The following HDAC6 variants were observed in gnomAD, a reference collection of about 807,000 sequenced individuals.
The protein encoded by HDAC6 is histone deacetylase 6, also known as protein deacetylase HDAC6.
HDAC6 carries 5 observed loss-of-function variants against 88.9 expected under a neutral mutation model. That is an observed-to-expected ratio of 0.06 (90% CI 0.03 to 0.12). The LOEUF (loss-of-function observed/expected upper bound fraction) is 0.12. Among genes scored for constraint, HDAC6 ranks in the 10% least tolerant of loss-of-function variants. HDAC6 has a pLI of 1.00. For missense variants in HDAC6, 706 were observed against 1,014.4 expected (o/e 0.70, Z 4.13); for synonymous variants, 378 against 398.0 (o/e 0.95, Z 0.60).
In HDAC6 at chrX:48,814,953, T is replaced by TC; in HGVS notation, c.1060-3dup. 1 of 1,207,651 alleles carries TC rather than the reference T, an allele frequency of 8.3e-7. No individual in the cohort carries two copies. Among genetic ancestry groups the TC allele is most frequent in the Non-Finnish European group, 1.1e-6 (1 of 893,373 alleles). Reference sequence around the variant, plus strand: ...CATGGAGCCAGGCTGACCCTCCATGTCCCCCCAGGGTGAGATGGCCGCCAC... The same window carrying TC: ...CATGGAGCCAGGCTGACCCTCCATGTCCCCCCCAGGGTGAGATGGCCGCCAC... On this transcript the variant is annotated splice_polypyrimidine_tract_variant and intron_variant, in intron 13 of 28. Coordinates refer to ENST00000334136, the MANE Select transcript of HDAC6 (RefSeq NM_006044.4).
At chrX:48,820,574 A>G (rs1557029395) in intron 23 of HDAC6, among the ~76,000 whole-genome samples, 1 of 111,776 alleles carries the variant, frequency 8.9e-6, no homozygotes, top group Non-Finnish European at 1.9e-5. Context: ...TGTGATGACT[A>G]GCCTGAGATG....
intron 4 of HDAC6, among the ~76,000 whole-genome samples, chrX:48,803,601 A>G (rs1200996400): frequency 2.7e-5 from 3 of 112,155 alleles, no homozygotes; most frequent in African/African-American, 9.7e-5. Context: ...AGAAGCCTTT[A>G]TAGAGGAAGA....
At chrX:48,816,965 AAG>A in intron 19 of HDAC6, 1 of 264,641 alleles carries the variant, frequency 3.8e-6, no homozygotes, top group Non-Finnish European at 6.6e-6. Context: ...AAAAAAAAAA[AAG>A]GTCCGGGCGT....
intron 19 of HDAC6, chrX:48,816,929 G>A (rs1018821212): frequency 1.9e-5 from 6 of 314,717 alleles, no homozygotes; most frequent in African/African-American, 1.7e-4. Context: ...ACTCTAGCCT[G>A]GGCAACAGAG....
rs782196055 is a variant in HDAC6 at position 48,824,154 on chromosome X, C to A, written c.3451-12C>A. The A allele has an allele frequency of 2.5e-6, 3 of 1,206,044 alleles. No individual in the cohort carries two copies. The African/African-American group carries it at 5.3e-5, about 21-fold the overall frequency. On this transcript the variant is annotated splice_polypyrimidine_tract_variant and intron_variant, in intron 27 of 28. Coordinates refer to ENST00000334136, the MANE Select transcript of HDAC6 (RefSeq NM_006044.4). The stretch of plus-strand genomic sequence containing the variant: ...GCTGACCCCCACCTGACACTCACAC[C>A]CCCAACCTCAGGTCTACTGTGGTCG...
Position 48,823,182 on chromosome X carries a change from C to T in HDAC6, c.2783C>T (p.Ala928Val), listed in dbSNP as rs782623802. Residue 928 changes from alanine to valine, a missense_variant, in exon 25 of 29, where the codon GCC (alanine) becomes GTC (valine). Physicochemically the swap from Ala to Val is moderately conservative, Grantham distance 64 (BLOSUM62 0). Around this residue, in one of 9 missense-constraint regions of HDAC6, gnomAD observed 89 missense variants for 90.9 expected, o/e 0.98. Coordinates refer to ENST00000334136, the MANE Select transcript of HDAC6 (RefSeq NM_006044.4). ...CTGGCCCAGACCATTTCTGAGGCAG[C>T]CATTGGGGGAGCCATGCTGGGCCAG... ...ATLAQTISEA[A>V]IGGAMLGQTT... 1 of 1,207,083 alleles carries T rather than the reference C, an allele frequency of 8.3e-7. No individual in the cohort carries two copies. The highest frequency in any genetic ancestry group is 1.1e-6 in the Non-Finnish European group (1 of 893,257).
In HDAC6 at chrX:48,817,349, G is replaced by A; in HGVS notation, c.1815G>A (p.Val605=). The part of the protein sequence containing the change: ...SGEVLNGAAV[V]RPPGHHAEQD... ...AGGTTCTGAATGGTGCTGCTGTGGT[G>A]CGTCCCCCAGGACACCACGCAGAGC... The change falls in exon 20 of 29, where the codon GTG becomes GTA. Residue 605 remains valine (V), a synonymous_variant. Transcript: ENST00000334136. 2 of 1,209,845 alleles carry A rather than the reference G, an allele frequency of 1.7e-6. No individual in the cohort carries two copies. The highest frequency in any genetic ancestry group is 2.2e-6 in the Non-Finnish European group (2 of 894,662).
Position 48,815,869 on chromosome X carries a change from G to A in HDAC6, c.1325-15G>A. 8.3e-7 allele frequency: 1 copy of A among 1,206,193 alleles called. No homozygotes were observed. The highest frequency in any genetic ancestry group is 1.1e-6 in the Non-Finnish European group (1 of 891,744). The stretch of plus-strand genomic sequence containing the variant: ...AGATTGAGAGGGTAGGACAAACGTG[G>A]CCTCCCCCTTTTAGCTGAGACCGTG... On this transcript the variant is annotated splice_polypyrimidine_tract_variant and intron_variant, in intron 16 of 28. Transcript: ENST00000334136.
chrX:48,819,840 C>T, intron 22 of HDAC6: 2 of 450,327 alleles, frequency 4.4e-6, no homozygotes, highest in Non-Finnish European at 8.1e-6. Flanking sequence ...ATGCCCGGCC[C>T]CCATCTGTCC....
At chrX:48,804,396 T>A (rs983240912) in intron 4 of HDAC6, among the ~76,000 whole-genome samples, 3 of 111,605 alleles carry the variant, frequency 2.7e-5, no homozygotes, top group Admixed American at 9.5e-5. Context: ...CAGAGATTCT[T>A]TTCGGTCTTC....
At position 48,802,115 on chromosome X, in the gene HDAC6, C is replaced by G. The variant is rs1257997240; in HGVS notation, c.-58C>G. 7 of 886,339 alleles carry G rather than the reference C, an allele frequency of 7.9e-6. No individual in the cohort carries two copies. In the African/African-American group the frequency reaches 1.5e-4, roughly 19 times the overall value. The allele number at this position is 886,339 out of a possible 1,213,427, so 73.0% of individuals were successfully genotyped here. ...CTGAGGAGCGGGGCTGGTTGAAACG[C>G]TAGGGGCGGGATCTGGCGGAGTGGA... On this transcript the variant is annotated 5_prime_UTR_variant, in exon 1 of 29. Coordinates refer to ENST00000334136, the MANE Select transcript of HDAC6 (RefSeq NM_006044.4).
intron 8 of HDAC6, among the ~76,000 whole-genome samples, chrX:48,807,317 C>G (rs1557024702): frequency 8.9e-6 from 1 of 112,111 alleles, no homozygotes; most frequent in Non-Finnish European, 1.9e-5. Flanking sequence ...CATTTTGGTT[C>G]TCCCCAGTCA....
Position 48,805,631 on chromosome X carries a change from G to A in HDAC6, c.397G>A (p.Ala133Thr). The change falls in exon 6 of 29, where the codon GCC (alanine) becomes ACC (threonine). Residue 133 changes from alanine to threonine, a missense_variant and splice_region_variant. This residue lies in a region of HDAC6 where 193 missense variants were observed against 258.2 expected (regional missense o/e 0.75). Transcript: ENST00000334136. The part of the protein sequence containing the change: ...GLLDRCVSFQ[A>T]RFAEKEELML... ...CACTTTATTCCTCATCTCTCCCCAG[G>A]CCCGGTTTGCTGAAAAGGAAGAGCT... 1 of 1,181,882 alleles carries A rather than the reference G, an allele frequency of 8.5e-7. No individual in the cohort carries two copies. The highest frequency in any genetic ancestry group is 1.1e-6 in the Non-Finnish European group (1 of 879,350).
At chrX:48,806,100 G>A in intron 6 of HDAC6, 1 of 366,584 alleles carries the variant, frequency 2.7e-6, no homozygotes, top group South Asian at 4.4e-5. Context: ...GATGAAGAGG[G>A]TGACTGAGGG....
At chrX:48,817,612 C>T (rs781894555) in intron 20 of HDAC6, 153 bp downstream of exon 20, 7 of 494,155 alleles carry the variant, frequency 1.4e-5, no homozygotes, top group South Asian at 1.1e-4. Context: ...AGAGAAGGAC[C>T]GAGGATGGAG....
chrX:48,820,986 C>T (rs1049955947), intron 23 of HDAC6, among the ~76,000 whole-genome samples: 8 of 109,708 alleles, frequency 7.3e-5, no homozygotes, highest in South Asian at 7.8e-4. Context: ...TACAGGCACC[C>T]GCCACCACGC....
chrX:48,811,283 G>A (rs1189544672), intron 10 of HDAC6, among the ~76,000 whole-genome samples: 2 of 112,286 alleles, frequency 1.8e-5, no homozygotes, highest in Non-Finnish European at 3.8e-5. Flanking sequence ...CAGCCTGGGC[G>A]ATAGAGGGAG....
chrX:48,815,160 C>T, intron 14 of HDAC6, 109 bp downstream of exon 14: 1 of 687,370 alleles, frequency 1.5e-6, no homozygotes, highest in African/African-American at 2.1e-5. Flanking sequence ...ACTAGCTGGA[C>T]AACCTTGCAT....
At position 48,808,253 on chromosome X, in the gene HDAC6, C is replaced by T; in HGVS notation, c.738-5C>T. ...CACAGAGTCCCCTCTCTCTGCTGCT[C>T]CTAGGGTCCTTATCGTAGATTGGGA... On this transcript the variant is annotated splice_region_variant and splice_polypyrimidine_tract_variant and intron_variant, in intron 9 of 28. Transcript: ENST00000334136. 1 of 1,204,151 alleles carries T rather than the reference C, an allele frequency of 8.3e-7. No homozygotes were observed. Among genetic ancestry groups the T allele is most frequent in the South Asian group, 1.8e-5 (1 of 56,190 alleles).
Sources: allele counts gnomAD v4.1 joint callset (sites outside exome capture counted in the v4.1 genomes callset), GRCh38; gene constraint gnomAD v4.1.1; regional missense constraint gnomAD v4.1.1; transcripts MANE v1.5; gene names NCBI Gene and HGNC (gene_info 2026-07-23, HGNC 2026-07-21).